Variants in COL25A1 observed in about 807,000 individuals in gnomAD.
The protein encoded by COL25A1 is collagen alpha-1(XXV) chain.
In COL25A1, 103 loss-of-function variants were observed where a neutral mutation model predicts 128.4. That is an observed-to-expected ratio of 0.80 (90% CI 0.68 to 0.94). COL25A1 has a LOEUF of 0.94. Ranked by LOEUF, COL25A1 falls within the 40% of genes least tolerant of loss-of-function variation. The probability of loss-of-function intolerance (pLI) is 0.00; values close to 1 mark genes in which losing one functional copy is unlikely to be tolerated. For missense variants in COL25A1, 745 were observed against 840.0 expected, an observed-to-expected ratio of 0.89 and a Z score of 1.40; for synonymous variants, 279 against 277.2, an observed-to-expected ratio of 1.01 and a Z score of -0.06.
intron 3 of COL25A1, among the ~76,000 whole-genome samples, chr4:109,053,802 A>G (rs972368673): frequency 6.6e-6 from 1 of 152,188 alleles, no homozygotes; most frequent in Non-Finnish European, 1.5e-5. Flanking sequence ...TTCAGAATTC[A>G]TCATTGGCTG....
At chr4:109,104,231 G>C (rs1215161475) in intron 3 of COL25A1, among the ~76,000 whole-genome samples, 2 of 151,806 alleles carry the variant, frequency 1.3e-5, no homozygotes, top group African/African-American at 2.4e-5. Context: ...AAATTAGCTG[G>C]GTATGTTGGC....
chr4:109,139,773 T>C (rs999621184), intron 3 of COL25A1, among the ~76,000 whole-genome samples: 3 of 152,132 alleles, frequency 2.0e-5, no homozygotes, highest in South Asian at 2.1e-4. Flanking sequence ...GCTGCATCCA[T>C]TAACTCGTCA....
At chr4:108,828,344 G>A (rs571267047) in intron 32 of COL25A1, among the ~76,000 whole-genome samples, 1 of 151,980 alleles carries the variant, frequency 6.6e-6, no homozygotes, top group Admixed American at 6.6e-5. Context: ...CATGTTGGCC[G>A]GGCTGGTCTC....
chr4:108,845,144 T>A (rs1181635355), intron 29 of COL25A1, 45 bp downstream of exon 29: 2 of 1,499,288 alleles, frequency 1.3e-6, no homozygotes, highest in African/African-American at 1.4e-5. Context: ...TGTCAGTGTG[T>A]GAGGAGGTTC....
chr4:109,012,999 ACT>A lies in COL25A1; in HGVS notation c.421-2626_421-2625del, dbSNP rs1756799626. The stretch of plus-strand genomic sequence containing the variant: ...GAGGATTGTATATGCACCAATCAGC[ACT>A]CTGTGTCTAGCTCAGGGTTCGTGGA... On this transcript the variant is annotated intron_variant, in intron 5 of 37. Coordinates refer to ENST00000399132, the MANE Select transcript of COL25A1 (RefSeq NM_198721.4). 5.9e-5 allele frequency among the ~76,000 whole-genome samples: 9 copies of A among 152,194 alleles called. No homozygotes were observed. The South Asian group carries it at 1.9e-3, about 32-fold the overall frequency.
intron 3 of COL25A1, among the ~76,000 whole-genome samples, chr4:109,206,962 G>A (rs763690770): frequency 8.5e-5 from 13 of 152,100 alleles, no homozygotes; most frequent in Non-Finnish European, 1.8e-4. Context: ...CCTTCATTAC[G>A]TATAGAAATC....
At chr4:108,933,782 A>G (rs569484337) in intron 11 of COL25A1, among the ~76,000 whole-genome samples, 68 of 152,216 alleles carry the variant, frequency 4.5e-4, no homozygotes, top group African/African-American at 1.5e-3. Context: ...ATCACAGACT[A>G]TAGTCATACA....
At chr4:109,153,383 A>C (rs1164192804) in intron 3 of COL25A1, among the ~76,000 whole-genome samples, 1,504 of 30,104 alleles carry the variant, frequency 0.05, 12 homozygotes, top group Non-Finnish European at 0.13. Flanking sequence ...CTCCATCTCA[A>C]AAAAAAAAAA....
chr4:108,878,351 C>A (rs1358485073), intron 19 of COL25A1, among the ~76,000 whole-genome samples: 1 of 151,722 alleles, frequency 6.6e-6, no homozygotes, highest in Non-Finnish European at 1.5e-5. Context: ...TACAGCAGGG[C>A]TTAAAAAATA....
chr4:109,215,189 T>A (rs1777891039), intron 3 of COL25A1, among the ~76,000 whole-genome samples: 1 of 152,168 alleles, frequency 6.6e-6, no homozygotes, highest in Non-Finnish European at 1.5e-5. Context: ...TTAGGTCATT[T>A]TTTAGGTGAG....
intron 34 of COL25A1, 46 bp from the exon 35 acceptor site, chr4:108,824,273 G>T (rs764554010): frequency 1.8e-5 from 24 of 1,306,964 alleles, no homozygotes; most frequent in Non-Finnish European, 1.9e-5. Flanking sequence ...GTGTAATAGT[G>T]GCAAAATCAT....
chr4:109,158,516 T>A (rs1210416184), intron 3 of COL25A1, among the ~76,000 whole-genome samples: 5 of 152,184 alleles, frequency 3.3e-5, no homozygotes, highest in African/African-American at 4.8e-5. Flanking sequence ...TATTCACTTA[T>A]GAAAAAACTA....
intron 5 of COL25A1, among the ~76,000 whole-genome samples, chr4:109,017,380 G>C (rs1757319397): frequency 6.6e-6 from 1 of 152,222 alleles, no homozygotes; most frequent in Non-Finnish European, 1.5e-5. Flanking sequence ...GGCAGAATGA[G>C]CCCAGCAGGT....
chr4:108,908,191 G>T (rs117070251), intron 13 of COL25A1, among the ~76,000 whole-genome samples: 1 of 152,142 alleles, frequency 6.6e-6, no homozygotes, highest in Non-Finnish European at 1.5e-5. Flanking sequence ...AATTCAGGTG[G>T]TTCAGTCAAT....
At chr4:109,284,488 C>A (rs1723682489) in intron 3 of COL25A1, among the ~76,000 whole-genome samples, 1 of 152,138 alleles carries the variant, frequency 6.6e-6, no homozygotes, top group Non-Finnish European at 1.5e-5. Flanking sequence ...GAAAGCACTG[C>A]AATGCACGGA....
intron 5 of COL25A1, among the ~76,000 whole-genome samples, chr4:109,017,100 C>T (rs975438418): frequency 1.3e-5 from 2 of 152,244 alleles, no homozygotes; most frequent in Non-Finnish European, 2.9e-5. Context: ...TTCTGGGCAC[C>T]ACCACATTCC....
intron 3 of COL25A1, among the ~76,000 whole-genome samples, chr4:109,120,071 G>A (rs1036700884): frequency 2.9e-4 from 44 of 152,004 alleles, no homozygotes; most frequent in African/African-American, 1.0e-3. Context: ...AAAACCATGT[G>A]ACAAAATGCA....
chr4:109,255,767 C>T (rs1238422381), intron 3 of COL25A1, among the ~76,000 whole-genome samples: 1 of 152,132 alleles, frequency 6.6e-6, no homozygotes, highest in Non-Finnish European at 1.5e-5. Context: ...AATATTGATG[C>T]TTTCTGACAA....
At chr4:109,263,223 T>TG (rs1781564439) in intron 3 of COL25A1, among the ~76,000 whole-genome samples, 1 of 152,186 alleles carries the variant, frequency 6.6e-6, no homozygotes, top group Non-Finnish European at 1.5e-5. Flanking sequence ...TATATCATGT[T>TG]GGGGAGTTGC....
Sources: gnomAD v4.1 joint callset for allele counts (sites outside exome capture counted in the v4.1 genomes callset) on GRCh38, gnomAD v4.1.1 for gene constraint, MANE v1.5 for transcripts, NCBI Gene and HGNC (gene_info 2026-07-23, HGNC 2026-07-21) for gene names.